Variants in SH3D19 observed in about 807,000 individuals in gnomAD.
SH3D19 encodes the protein SH3 domain containing 19.
SH3D19 carries 58 observed loss-of-function variants against 112.1 expected under a neutral mutation model. That is an observed-to-expected ratio of 0.52 (90% confidence interval 0.42 to 0.64). SH3D19 has a LOEUF of 0.64. SH3D19 is among the 30% of genes least tolerant of loss of function. The pLI is 0.00. For missense variants in SH3D19, 1,090 were observed against 1,263.4 expected (o/e 0.86, Z 2.08); for synonymous variants, 391 against 448.5 (o/e 0.87, Z 1.62).
chr4:151,181,975 C>T (rs938748172), intron 3 of SH3D19, among the ~76,000 whole-genome samples: 1 of 152,038 alleles, frequency 6.6e-6, no homozygotes, highest in Non-Finnish European at 1.5e-5. Flanking sequence ...TTGAAAAACC[C>T]GCTTGTAGGG....
chr4:151,234,170 A>C (rs2149959492), intron 1 of SH3D19, among the ~76,000 whole-genome samples: 1 of 152,368 alleles, frequency 6.6e-6, no homozygotes, highest in African/African-American at 2.4e-5. Flanking sequence ...AAAAACGCAC[A>C]GGAAAAAACT....
At chr4:151,298,181 ATTTTT>A (rs386401883) in intron 1 of SH3D19, among the ~76,000 whole-genome samples, 8 of 94,896 alleles carry the variant, frequency 8.4e-5, no homozygotes, top group East Asian at 3.0e-4. Flanking sequence ...AGAATAATAA[ATTTTT>A]TTTTTTTTTT....
intron 1 of SH3D19, among the ~76,000 whole-genome samples, chr4:151,244,539 T>C (rs1475125112): frequency 6.6e-6 from 1 of 152,204 alleles, no homozygotes; most frequent in Non-Finnish European, 1.5e-5. Context: ...ATAAAGATTA[T>C]TCGAACTGAG....
intron 10 of SH3D19, among the ~76,000 whole-genome samples, chr4:151,148,993 G>A (rs1039828590): frequency 8.6e-5 from 13 of 151,956 alleles, no homozygotes; most frequent in East Asian, 3.9e-4. Flanking sequence ...AGCTGAGATC[G>A]CGCCACTGTA....
At chr4:151,277,157 C>T in intron 1 of SH3D19, 1 of 1,434,942 alleles carries the variant, frequency 7.0e-7, no homozygotes, top group Admixed American at 2.1e-5. Flanking sequence ...CGCTCACTGG[C>T]TCTGAGGACA....
intron 1 of SH3D19, among the ~76,000 whole-genome samples, chr4:151,310,884 A>G (rs1401975423): frequency 1.3e-5 from 2 of 151,776 alleles, no homozygotes; most frequent in Non-Finnish European, 2.9e-5. Context: ...ATAAATCCCT[A>G]TCTCAAAGAG....
At chr4:151,173,403 C>T (rs1259340077) in intron 7 of SH3D19, among the ~76,000 whole-genome samples, 1 of 152,176 alleles carries the variant, frequency 6.6e-6, no homozygotes, top group Non-Finnish European at 1.5e-5. Flanking sequence ...AAGTTTGAAT[C>T]CTGACTTGAA....
rs35676908 is a variant in SH3D19 at position 151,241,121 on chromosome 4, C to CA, written c.113-15036dup. ...GTAAGGTGGTGAAACGTGATCTCTA[C>CA]AAAAAAAAAAAAATTAAAAAACTAG... is the stretch of plus-strand genomic sequence containing the variant. On this transcript the variant is annotated intron_variant, in intron 1 of 19. Transcript: ENST00000604030. Among the ~76,000 whole-genome samples, 278 of 147,896 alleles carry CA rather than the reference C, an allele frequency of 1.9e-3. 8 individuals are homozygous for CA. Among genetic ancestry groups the CA allele is most frequent in the African/African-American group, 6.8e-3 (266 of 39,022 alleles).
chr4:151,311,192 C>T (rs772166038), intron 1 of SH3D19, among the ~76,000 whole-genome samples: 3 of 149,512 alleles, frequency 2.0e-5, no homozygotes, highest in Non-Finnish European at 4.4e-5. Context: ...GAAGGAAATC[C>T]AGCCTGGGCA....
chr4:151,126,839 T>C (rs1481387536), intron 19 of SH3D19, among the ~76,000 whole-genome samples: 1 of 145,268 alleles, frequency 6.9e-6, no homozygotes. Flanking sequence ...TATCTACTTT[T>C]ACTTTAAGAA....
intron 1 of SH3D19, among the ~76,000 whole-genome samples, chr4:151,230,288 C>G (rs1476251665): frequency 6.6e-6 from 1 of 152,188 alleles, no homozygotes; most frequent in Non-Finnish European, 1.5e-5. Context: ...GATTCTGACT[C>G]TAATAATACT....
chr4:151,255,021 C>T (rs1421147358), intron 1 of SH3D19, among the ~76,000 whole-genome samples: 11 of 149,474 alleles, frequency 7.4e-5, no homozygotes, highest in Admixed American at 5.3e-4. Flanking sequence ...CCAGTAGGGG[C>T]GGCCGGGCAG....
chr4:151,281,835 T>G (rs2150008568), intron 1 of SH3D19, among the ~76,000 whole-genome samples: 1 of 152,216 alleles, frequency 6.6e-6, no homozygotes, highest in Non-Finnish European at 1.5e-5. Flanking sequence ...AACAGCAATG[T>G]CTATTAAGCA....
chr4:151,149,036 CA>C (rs561564315), intron 10 of SH3D19, among the ~76,000 whole-genome samples: 11 of 146,872 alleles, frequency 7.5e-5, no homozygotes, highest in South Asian at 4.3e-4. Context: ...GACTCCATCT[CA>C]AAAAAAAAAT....
At chr4:151,224,559 T>G (rs1055530440) in intron 2 of SH3D19, among the ~76,000 whole-genome samples, 1 of 152,204 alleles carries the variant, frequency 6.6e-6, no homozygotes, top group African/African-American at 2.4e-5. Context: ...TTGTGCCTAT[T>G]AAAATTCATA....
chr4:151,128,427 AAGT>A, intron 17 of SH3D19, 71 bp from the exon 18 acceptor site: 5 of 1,362,456 alleles, frequency 3.7e-6, no homozygotes, highest in Non-Finnish European at 4.9e-6. Flanking sequence ...AAAGCTTAAA[AAGT>A]AGTGGGGAAA....
chr4:151,175,871 T>A (rs1759871351), intron 6 of SH3D19, among the ~76,000 whole-genome samples, 197 bp from the exon 7 acceptor site: 1 of 151,950 alleles, frequency 6.6e-6, no homozygotes, highest in Non-Finnish European at 1.5e-5. Flanking sequence ...GCTCTTCATA[T>A]AACACTTTTT....
At chr4:151,145,780 G>A (rs542156199) in intron 11 of SH3D19, among the ~76,000 whole-genome samples, 1 of 152,336 alleles carries the variant, frequency 6.6e-6, no homozygotes, top group Admixed American at 6.5e-5. Context: ...GTCAGAGCCA[G>A]CTGACCTGTT....
intron 11 of SH3D19, among the ~76,000 whole-genome samples, chr4:151,144,765 A>G (rs1178923309): frequency 2.0e-5 from 3 of 152,174 alleles, no homozygotes; most frequent in Non-Finnish European, 4.4e-5. Flanking sequence ...GTGTCTACTT[A>G]AATCCATTTC....
Sources: gnomAD v4.1 joint callset for allele counts (sites outside exome capture counted in the v4.1 genomes callset) on GRCh38, gnomAD v4.1.1 for gene constraint, MANE v1.5 for transcripts, NCBI Gene and HGNC (gene_info 2026-07-23, HGNC 2026-07-21) for gene names.